AIG1: variants seen among roughly 807,000 people sequenced by gnomAD.
AIG1 encodes the protein androgen induced 1, also known as androgen-induced gene 1 protein.
Under a neutral mutation model 31.4 loss-of-function variants are expected in AIG1, and 23 were observed. The ratio of observed to expected loss-of-function variants is 0.73; its 90% CI spans 0.53 to 1.04. The LOEUF (loss-of-function observed/expected upper bound fraction) is 1.04. AIG1 is among the 50% of genes least tolerant of loss of function. AIG1 has a pLI of 0.00. For synonymous variants in AIG1, 100 were observed against 110.5 expected, an observed-to-expected ratio of 0.90 and a Z score of 0.60; for missense variants, 274 against 295.0, an observed-to-expected ratio of 0.93 and a Z score of 0.52.
chr6:143,277,481 A>T (rs1209023248), intron 3 of AIG1, among the ~76,000 whole-genome samples: 3 of 152,240 alleles, frequency 2.0e-5, no homozygotes, highest in Admixed American at 1.3e-4. Context: ...AAAGATATGC[A>T]TGTCTTTATT....
chr6:143,061,430 T>G, intron 1 of AIG1: 1 of 384,570 alleles, frequency 2.6e-6, no homozygotes, highest in Non-Finnish European at 5.2e-6. Flanking sequence ...CTGAATGGCC[T>G]GAGACCCATT....
At chr6:143,113,361 T>A (rs1781454387) in intron 1 of AIG1, among the ~76,000 whole-genome samples, 1 of 151,974 alleles carries the variant, frequency 6.6e-6, no homozygotes, top group African/African-American at 2.4e-5. Flanking sequence ...TCCTGGCACT[T>A]TGGGAGGCTG....
intron 3 of AIG1, among the ~76,000 whole-genome samples, chr6:143,210,639 C>T (rs1791510179): frequency 2.0e-5 from 3 of 152,274 alleles, no homozygotes; most frequent in Admixed American, 6.5e-5. Context: ...AGGAAGGAGA[C>T]TAGTGGGGTC....
chr6:143,164,735 A>G (rs1487918951), intron 2 of AIG1, among the ~76,000 whole-genome samples: 1 of 152,164 alleles, frequency 6.6e-6, no homozygotes, highest in Non-Finnish European at 1.5e-5. Context: ...ATGGGATCCG[A>G]AAAAACCACC....
chr6:143,249,644 G>A (rs923593829), intron 3 of AIG1, among the ~76,000 whole-genome samples: 1 of 152,158 alleles, frequency 6.6e-6, no homozygotes, highest in African/African-American at 2.4e-5. Flanking sequence ...CCAGTACATG[G>A]TTTCTCCACT....
intron 4 of AIG1, among the ~76,000 whole-genome samples, chr6:143,309,562 A>G (rs766384064): frequency 1.3e-4 from 20 of 151,978 alleles, no homozygotes; most frequent in Non-Finnish European, 2.1e-4. Context: ...AGAAAACAGA[A>G]AGGGGGAAGG....
At chr6:143,200,944 C>G (rs1790647374) in intron 3 of AIG1, among the ~76,000 whole-genome samples, 1 of 152,044 alleles carries the variant, frequency 6.6e-6, no homozygotes, top group Admixed American at 6.6e-5. Context: ...GTGGATTTCC[C>G]ATAGACATTT....
intron 2 of AIG1, among the ~76,000 whole-genome samples, chr6:143,156,208 A>T (rs1785732432): frequency 5.3e-5 from 8 of 152,200 alleles, no homozygotes; most frequent in Admixed American, 5.2e-4. Context: ...TACATGTAAC[A>T]CATCTACTGT....
intron 3 of AIG1, among the ~76,000 whole-genome samples, chr6:143,277,763 T>G (rs375824014): frequency 6.6e-5 from 10 of 152,240 alleles, no homozygotes; most frequent in African/African-American, 2.4e-4. Flanking sequence ...GATTCTTGCC[T>G]GGTGTTCATA....
At chr6:143,143,896 C>G (rs1252855694) in intron 2 of AIG1, among the ~76,000 whole-genome samples, 1 of 152,080 alleles carries the variant, frequency 6.6e-6, no homozygotes, top group African/African-American at 2.4e-5. Flanking sequence ...GAGAAAGACT[C>G]AGAAAACTGT....
chr6:143,084,905 G>A (rs1233972875), intron 1 of AIG1, among the ~76,000 whole-genome samples: 1 of 152,156 alleles, frequency 6.6e-6, no homozygotes, highest in African/African-American at 2.4e-5. Flanking sequence ...TGGCCAGTGG[G>A]GAATTGTTCT....
chr6:143,195,197 A>C (rs1790123270), intron 3 of AIG1, among the ~76,000 whole-genome samples: 1 of 152,118 alleles, frequency 6.6e-6, no homozygotes. Context: ...TTAGGGAGCA[A>C]TTTCTGTTTC....
chr6:143,112,530 C>T (rs1781372364), intron 1 of AIG1, among the ~76,000 whole-genome samples: 1 of 152,136 alleles, frequency 6.6e-6, no homozygotes, highest in Admixed American at 6.5e-5. Flanking sequence ...GACATTATCC[C>T]TGCCTATGAG....
chr6:143,082,765 G>T (rs1272518238), intron 1 of AIG1, among the ~76,000 whole-genome samples: 1 of 152,166 alleles, frequency 6.6e-6, no homozygotes, highest in Non-Finnish European at 1.5e-5. Context: ...GTTGCAAGCT[G>T]GTCCTTCGGA....
chr6:143,306,268 T>A (rs369560752), intron 4 of AIG1, among the ~76,000 whole-genome samples: 14,699 of 151,624 alleles, frequency 0.097, 716 homozygotes, highest in South Asian at 0.11. Context: ...TCCTGTCATT[T>A]TGATGTTAGC....
chr6:143,226,084 G>A (rs1463256150), intron 3 of AIG1, among the ~76,000 whole-genome samples: 2 of 152,104 alleles, frequency 1.3e-5, no homozygotes, highest in Non-Finnish European at 2.9e-5. Context: ...GTGTAATGAT[G>A]ATAGAGAAAA....
At chr6:143,106,273 C>A (rs1007925839) in intron 1 of AIG1, among the ~76,000 whole-genome samples, 1 of 152,186 alleles carries the variant, frequency 6.6e-6, no homozygotes, top group African/African-American at 2.4e-5. Context: ...AGGTTGCCAG[C>A]AAACCACCAG....
At chr6:143,152,844 C>T (rs1268131363) in intron 2 of AIG1, among the ~76,000 whole-genome samples, 2 of 152,184 alleles carry the variant, frequency 1.3e-5, no homozygotes, top group Non-Finnish European at 2.9e-5. Context: ...AAGACTGCCA[C>T]CACTGGAAGC....
chr6:143,122,376 C>T (rs914017486), intron 1 of AIG1, among the ~76,000 whole-genome samples: 1 of 151,902 alleles, frequency 6.6e-6, no homozygotes, highest in African/African-American at 2.4e-5. Flanking sequence ...AGAATTTAAA[C>T]ATATACTTTG....
Sources: allele counts gnomAD v4.1 joint callset (sites outside exome capture counted in the v4.1 genomes callset), GRCh38; gene constraint gnomAD v4.1.1; transcripts MANE v1.5; gene names NCBI Gene and HGNC (gene_info 2026-07-23, HGNC 2026-07-21).